Variants in PRKG1 observed in about 807,000 individuals in gnomAD.
PRKG1 encodes the protein cGMP-dependent protein kinase 1.
In PRKG1, 35 loss-of-function variants were observed where a neutral mutation model predicts 88.1. That is an observed-to-expected ratio of 0.40 (90% CI 0.30 to 0.53). PRKG1 has a LOEUF of 0.53. Ranked by LOEUF, PRKG1 falls within the 20% of genes least tolerant of loss-of-function variation. PRKG1 has a pLI of 0.59. For synonymous variants in PRKG1, 303 were observed against 292.5 expected (o/e 1.04, Z -0.37); for missense variants, 540 against 839.8 (o/e 0.64, Z 4.41).
intron 1 of PRKG1, among the ~76,000 whole-genome samples, chr10:51,052,770 A>G (rs1217859019): frequency 6.6e-6 from 1 of 152,214 alleles, no homozygotes; most frequent in African/African-American, 2.4e-5. Context: ...GAAGAGATTT[A>G]TCACCAAACC....
intron 2 of PRKG1, among the ~76,000 whole-genome samples, chr10:51,463,805 T>C (rs1229709662): frequency 1.3e-5 from 2 of 152,202 alleles, no homozygotes; most frequent in African/African-American, 4.8e-5. Flanking sequence ...TACTTCTAAA[T>C]GTCTCTGAAA....
At chr10:51,928,288 T>C (rs1842620322) in intron 5 of PRKG1, among the ~76,000 whole-genome samples, 2 of 152,240 alleles carry the variant, frequency 1.3e-5, no homozygotes, top group Middle Eastern at 3.2e-3. Context: ...GAAAAAGATA[T>C]GTGACTGAAC....
At chr10:51,364,815 C>G (rs1842556362) in intron 2 of PRKG1, among the ~76,000 whole-genome samples, 1 of 151,854 alleles carries the variant, frequency 6.6e-6, no homozygotes. Context: ...GAGTTTAGTT[C>G]TCAGCTTTAC....
rs1350564775 is a variant in PRKG1, at chr10:51,179,583, A to T, written c.478+26253A>T. Among the ~76,000 whole-genome samples, 3 of 152,206 alleles carry T rather than the reference A, an allele frequency of 2.0e-5. No homozygotes were observed. In the East Asian group the frequency reaches 5.8e-4, roughly 29 times the overall value. On this transcript the variant is annotated intron_variant, in intron 2 of 17. Coordinates refer to ENST00000373980, the MANE Select transcript of PRKG1 (RefSeq NM_006258.4). ...TGGAAGGCTGAAAGTTTTTGATTTT[A>T]TTCAGCACGCTAATCATGTGATAAT... is the stretch of plus-strand genomic sequence containing the variant.
chr10:51,461,439 T>C (rs1839741895), intron 2 of PRKG1, among the ~76,000 whole-genome samples: 1 of 152,124 alleles, frequency 6.6e-6, no homozygotes. Context: ...CTAATACATA[T>C]ATATGTGTAA....
At chr10:52,155,732 G>GCCAC (rs3220860) in intron 8 of PRKG1, among the ~76,000 whole-genome samples, 1 of 147,788 alleles carries the variant, frequency 6.8e-6, no homozygotes, top group Non-Finnish European at 1.5e-5. Flanking sequence ...ATTGCCATTG[G>GCCAC]ACACACACAC....
chr10:51,600,024 A>T (rs1838557021), intron 3 of PRKG1, among the ~76,000 whole-genome samples: 1 of 152,204 alleles, frequency 6.6e-6, no homozygotes, highest in Admixed American at 6.5e-5. Flanking sequence ...ATAACAGTTG[A>T]TTTATTTTGG....
chr10:51,337,579 C>T (rs894439999), intron 2 of PRKG1, among the ~76,000 whole-genome samples: 2 of 151,548 alleles, frequency 1.3e-5, no homozygotes, highest in Admixed American at 1.3e-4. Flanking sequence ...AAAATCAACC[C>T]CATTAAAAAG....
At chr10:52,091,192 T>C (rs1442341927) in intron 7 of PRKG1, among the ~76,000 whole-genome samples, 2 of 152,244 alleles carry the variant, frequency 1.3e-5, no homozygotes, top group Non-Finnish European at 2.9e-5. Context: ...ATTTAATTCC[T>C]TGAAGTTGTG....
At chr10:51,751,165 G>A (rs1262024539) in intron 3 of PRKG1, among the ~76,000 whole-genome samples, 2 of 152,146 alleles carry the variant, frequency 1.3e-5, no homozygotes, top group African/African-American at 4.8e-5. Context: ...CTCAGACTAA[G>A]TCAAGGCCCC....
chr10:51,670,515 T>C (rs1466590082), intron 3 of PRKG1, among the ~76,000 whole-genome samples: 2 of 150,802 alleles, frequency 1.3e-5, no homozygotes, highest in Admixed American at 1.3e-4. Flanking sequence ...GGCGGGCAGA[T>C]CACGAGGTCA....
chr10:51,905,229 A>T (rs1240147215), intron 4 of PRKG1, among the ~76,000 whole-genome samples: 3 of 152,136 alleles, frequency 2.0e-5, no homozygotes, highest in Admixed American at 6.6e-5. Context: ...CTGGAAATTA[A>T]ACCCCACATG....
At chr10:51,450,851 A>T (rs1243299279) in intron 2 of PRKG1, among the ~76,000 whole-genome samples, 10 of 131,728 alleles carry the variant, frequency 7.6e-5, no homozygotes, top group African/African-American at 2.8e-4. Context: ...AACAAAAATT[A>T]AAAAAAAAAA....
chr10:52,287,698 TAAAAAAAA>T (rs34027188), intron 14 of PRKG1, among the ~76,000 whole-genome samples: 4 of 138,116 alleles, frequency 2.9e-5, no homozygotes, highest in African/African-American at 1.1e-4. Context: ...ATGGATCAGT[TAAAAAAAA>T]AAAAAAAAAA....
At chr10:51,469,941 G>A (rs539676865) in intron 3 of PRKG1, among the ~76,000 whole-genome samples, 12 of 152,004 alleles carry the variant, frequency 7.9e-5, no homozygotes, top group African/African-American at 2.6e-4. Context: ...TGTTTCATAA[G>A]CACTATGAAG....
At chr10:52,017,692 A>G (rs889041456) in intron 5 of PRKG1, among the ~76,000 whole-genome samples, 1 of 152,180 alleles carries the variant, frequency 6.6e-6, no homozygotes, top group African/African-American at 2.4e-5. Context: ...TAGGCCATTG[A>G]ATATGAGTCT....
Position 50,991,216 on chromosome 10 carries a change from C to A in PRKG1, c.-163C>A. On this transcript the variant is annotated 5_prime_UTR_variant, in exon 1 of 18. Coordinates refer to the PRKG1 transcript ENST00000401604. This position sits in a 1 kb window ranked among gnomAD's most constrained non-coding sequence, Gnocchi z 4.5. Reference sequence around the variant, plus strand: ...CAGAAGCGGATCGAAGCAGGAGGCTCCCCGCGCCGCATTAGGGGCGCACTC... The same window carrying A: ...CAGAAGCGGATCGAAGCAGGAGGCTACCCGCGCCGCATTAGGGGCGCACTC... 9.7e-7 allele frequency: 1 copy of A among 1,034,238 alleles called. No homozygotes were observed. Among genetic ancestry groups the A allele is most frequent in the Non-Finnish European group, 1.3e-6 (1 of 742,486 alleles). The allele number at this position is 1,034,238 out of a possible 1,614,324, so 64.1% of individuals were successfully genotyped here. A position where few individuals can be genotyped will look rare whatever the true frequency, so the allele number is the denominator to read the frequency against.
chr10:51,095,466 C>G (rs1425868068), intron 1 of PRKG1, among the ~76,000 whole-genome samples: 3 of 152,152 alleles, frequency 2.0e-5, no homozygotes, highest in African/African-American at 7.2e-5. Flanking sequence ...TTGTAATTCC[C>G]TGTTTCCTTA....
chr10:51,711,931 T>C (rs555008920), intron 3 of PRKG1, among the ~76,000 whole-genome samples: 1 of 152,346 alleles, frequency 6.6e-6, no homozygotes, highest in South Asian at 2.1e-4. Flanking sequence ...ATATACATTG[T>C]AGGGAAGGAA....
Sources: gnomAD v4.1 joint callset for allele counts (sites outside exome capture counted in the v4.1 genomes callset) on GRCh38, gnomAD v4.1.1 for gene constraint, Gnocchi (gnomAD v3.1) non-coding constraint, MANE v1.5 for transcripts, NCBI Gene and HGNC (gene_info 2026-07-23, HGNC 2026-07-21) for gene names.